SEMA4F: variants seen among roughly 807,000 people sequenced by gnomAD.
SEMA4F encodes the protein ssemaphorin 4F.
SEMA4F carries 51 observed loss-of-function variants against 78.4 expected under a neutral mutation model. That is an observed-to-expected ratio of 0.65 (90% confidence interval 0.52 to 0.82). The LOEUF is 0.82. Ranked by LOEUF, SEMA4F falls within the 40% of genes least tolerant of loss-of-function variation. The pLI, the probability that SEMA4F is intolerant of heterozygous loss-of-function variation, is 0.00. For missense variants in SEMA4F, 938 were observed against 1,014.4 expected (o/e 0.92, Z 1.02); for synonymous variants, 418 against 408.7 (o/e 1.02, Z -0.27).
chr2:74,675,985 G>A, intron 12 of SEMA4F, 76 bp downstream of exon 12: 1 of 1,479,866 alleles, frequency 6.8e-7, no homozygotes, highest in East Asian at 2.3e-5. Context: ...TTTCTCATCT[G>A]TTAATGCTGC....
In SEMA4F at chr2:74,673,464, C is replaced by T. The variant is rs773728499; in HGVS notation, c.558C>T (p.Val186=). The part of the protein sequence containing the change: ...QRSAAVMAGG[V]LYAATVKNYL... ...CTCCCTGTCGCCCTGCAGGGGGGGTCCTCTATGCTGCCACTGTGAAAAACT... is the reference window on the plus strand; with the variant it reads ...CTCCCTGTCGCCCTGCAGGGGGGGTTCTCTATGCTGCCACTGTGAAAAACT... The change falls in exon 6 of 14, where the codon GTC becomes GTT. Residue 186 remains valine, a synonymous_variant. Coordinates refer to ENST00000357877, the MANE Select transcript of SEMA4F (RefSeq NM_004263.5). The T allele has an allele frequency of 1.2e-6, 2 of 1,614,034 alleles. No homozygotes were observed. The highest frequency in any genetic ancestry group is 1.7e-6 in the Non-Finnish European group (2 of 1,179,992).
chr2:74,679,576 T>A, intron 13 of SEMA4F, 23 bp from the exon 14 acceptor site: 1 of 1,578,346 alleles, frequency 6.3e-7, no homozygotes, highest in Non-Finnish European at 8.6e-7. Context: ...CACCTCCTTT[T>A]GTGCCTTTGC....
chr2:74,661,320 A>G (rs1212236514), intron 4 of SEMA4F, among the ~76,000 whole-genome samples: 1 of 152,202 alleles, frequency 6.6e-6, no homozygotes, highest in Non-Finnish European at 1.5e-5. Context: ...ACTCCAGGCA[A>G]TGGTGGACTA....
chr2:74,671,122 T>C (rs1468839762), intron 5 of SEMA4F, among the ~76,000 whole-genome samples: 1 of 152,214 alleles, frequency 6.6e-6, no homozygotes, highest in Non-Finnish European at 1.5e-5. Context: ...ACTTAGGTAC[T>C]AGTATTAATA....
chr2:74,673,945 CCTTGA>C, intron 7 of SEMA4F, 117 bp downstream of exon 7: 1 of 1,234,078 alleles, frequency 8.1e-7, no homozygotes, highest in Non-Finnish European at 1.1e-6. Context: ...ATTTTCTCTG[CCTTGA>C]CTTCTCTTCT....
intron 8 of SEMA4F, 90 bp downstream of exon 8, chr2:74,674,766 G>T: frequency 6.4e-7 from 1 of 1,556,750 alleles, no homozygotes; most frequent in South Asian, 1.2e-5. Flanking sequence ...GAGGGGGCAG[G>T]CTCTCCCGCC....
chr2:74,678,764 A>G (rs1466143352), intron 12 of SEMA4F, among the ~76,000 whole-genome samples: 1 of 152,194 alleles, frequency 6.6e-6, no homozygotes, highest in African/African-American at 2.4e-5. Context: ...GCCAGTATAT[A>G]TCAACCACTA....
intron 13 of SEMA4F, 89 bp downstream of exon 13, chr2:74,679,423 C>T: frequency 6.7e-7 from 1 of 1,483,154 alleles, no homozygotes; most frequent in South Asian, 1.1e-5. Context: ...GATTCTAAAC[C>T]TTGGATCCTG....
the SEMA4F span, among the ~76,000 whole-genome samples, chr2:74,693,126 T>C: frequency 6.6e-6 from 1 of 152,264 alleles, no homozygotes; most frequent in Non-Finnish European, 1.5e-5. Context: ...AAACATAGTA[T>C]GATACTATTT....
chr2:74,679,719 C>T lies in SEMA4F; in HGVS notation c.1823C>T (p.Thr608Ile). The T allele has an allele frequency of 6.2e-7, 1 of 1,613,962 alleles. No individual in the cohort carries two copies. The highest frequency in any genetic ancestry group is 8.5e-7 in the Non-Finnish European group (1 of 1,180,004). ...CAGCCCAGTGGAGTGACTGCACTCA[C>T]CCCCCGGCGGGATGGACTGGAGGTG... ...WHQPSGVTALTPRRDGLEVVV... is the reference protein window; with the variant it reads ...WHQPSGVTALIPRRDGLEVVV... Residue 608 changes from threonine to isoleucine, a missense_variant, in exon 14 of 14, where the codon ACC becomes ATC. By Grantham distance (89) the Thr-to-Ile change is moderately conservative. Coordinates refer to ENST00000357877, the MANE Select transcript of SEMA4F (RefSeq NM_004263.5).
At chr2:74,675,114 A>G (rs773732840) in intron 9 of SEMA4F, 48 bp from the exon 10 acceptor site, 6 of 1,613,666 alleles carry the variant, frequency 3.7e-6, no homozygotes, top group Non-Finnish European at 5.1e-6. Context: ...CATCACTGGC[A>G]TGTCCTGTTC....
the SEMA4F span, among the ~76,000 whole-genome samples, chr2:74,700,870 G>A: frequency 6.6e-6 from 1 of 152,186 alleles, no homozygotes; most frequent in Non-Finnish European, 1.5e-5. Flanking sequence ...TTGTGCTTGA[G>A]GTCTCTGGAG....
At chr2:74,695,481 C>A in the SEMA4F span, among the ~76,000 whole-genome samples, 2 of 152,198 alleles carry the variant, frequency 1.3e-5, no homozygotes, top group African/African-American at 4.8e-5. Flanking sequence ...TCCATATCCT[C>A]TACCCATGGA....
At chr2:74,672,564 T>G (rs1042837839) in intron 5 of SEMA4F, among the ~76,000 whole-genome samples, 1 of 152,150 alleles carries the variant, frequency 6.6e-6, no homozygotes, top group African/African-American at 2.4e-5. Context: ...GTTCATGACT[T>G]GGTACTACTC....
chr2:74,675,213 C>T lies in SEMA4F; in HGVS notation c.1201C>T (p.Pro401Ser). ...GCACTTTGGCTCATCTCTCTCCCTG[C>T]CTGACCGCGTACTCACCTTCATCCG... Reference protein sequence around the residue: ...LRHFGSSLSLPDRVLTFIRDH... With the variant: ...LRHFGSSLSLSDRVLTFIRDH... The change falls in exon 10 of 14, where the codon CCT becomes TCT. Residue 401 changes from proline (P) to serine (S), a missense_variant. By Grantham distance (74) the Pro-to-Ser change is moderately conservative. Coordinates refer to ENST00000357877, the MANE Select transcript of SEMA4F (RefSeq NM_004263.5). 1 of 1,614,186 alleles carries T rather than the reference C, an allele frequency of 6.2e-7. No individual in the cohort carries two copies. The highest frequency in any genetic ancestry group is 8.5e-7 in the Non-Finnish European group (1 of 1,180,036).
intron 5 of SEMA4F, among the ~76,000 whole-genome samples, chr2:74,673,044 T>G (rs1685070611): frequency 6.6e-6 from 1 of 152,160 alleles, no homozygotes; most frequent in Non-Finnish European, 1.5e-5. Context: ...ATTCATTCCC[T>G]GAGACATTTA....
At chr2:74,677,879 G>A (rs1685381364) in intron 12 of SEMA4F, among the ~76,000 whole-genome samples, 1 of 152,166 alleles carries the variant, frequency 6.6e-6, no homozygotes, top group Non-Finnish European at 1.5e-5. Context: ...TGATCTGTAG[G>A]GCTAGATATG....
At chr2:74,673,644 T>A (rs1401804225) in intron 6 of SEMA4F, 33 bp from the exon 7 acceptor site, 3 of 1,612,716 alleles carry the variant, frequency 1.9e-6, no homozygotes, top group Non-Finnish European at 2.5e-6. Flanking sequence ...CTAGGTTGTG[T>A]CTGTGAGGAT....
downstream of SEMA4F, among the ~76,000 whole-genome samples, chr2:74,686,378 C>T (rs749186284): frequency 1.3e-5 from 2 of 152,118 alleles, no homozygotes; most frequent in Admixed American, 6.5e-5. Flanking sequence ...GGATTACAGG[C>T]GTGAGCCACC....
Sources: allele counts gnomAD v4.1 joint callset (sites outside exome capture counted in the v4.1 genomes callset), GRCh38; gene constraint gnomAD v4.1.1; transcripts MANE v1.5; gene names NCBI Gene and HGNC (gene_info 2026-07-23, HGNC 2026-07-21).